The following DENND4C variants were observed in gnomAD, a reference collection of about 807,000 sequenced individuals.
DENND4C encodes DENN domain-containing protein 4C.
In DENND4C, 108 loss-of-function variants were observed where a neutral mutation model predicts 203.0. The ratio of observed to expected loss-of-function variants is 0.53; its 90% CI spans 0.46 to 0.62. DENND4C has a LOEUF of 0.62. Ranked by LOEUF, DENND4C falls within the 20% of genes least tolerant of loss-of-function variation. The pLI is 0.00. For missense variants in DENND4C, 2,481 were observed against 2,301.2 expected (o/e 1.08, Z -1.60); for synonymous variants, 871 against 792.4 (o/e 1.10, Z -1.67).
intron 13 of DENND4C, 78 bp from the exon 14 acceptor site, chr9:19,325,861 A>C (rs1483182376): frequency 5.5e-5 from 78 of 1,429,516 alleles, no homozygotes; most frequent in South Asian, 1.1e-4. Flanking sequence ...TTTTTTTCTA[A>C]ATCAGAATGT....
chr9:19,352,377 A>T, intron 25 of DENND4C, 113 bp from the exon 26 acceptor site: 1 of 1,164,048 alleles, frequency 8.6e-7, no homozygotes, highest in Non-Finnish European at 1.2e-6. Context: ...AACTGTTATT[A>T]ATAATTCCAA....
At chr9:19,234,493 A>T (rs1319226226) in intron 1 of DENND4C, among the ~76,000 whole-genome samples, 1 of 146,526 alleles carries the variant, frequency 6.8e-6, no homozygotes, top group Non-Finnish European at 1.5e-5. Flanking sequence ...GCCTCCCAAA[A>T]TGCTGGGATT....
Position 19,316,335 on chromosome 9 carries a change from G to C in DENND4C, c.1488-82G>C, listed in dbSNP as rs1036391955. The C allele has an allele frequency of 3.7e-6, 4 of 1,075,586 alleles. No individual in the cohort carries two copies. In the African/African-American group the frequency reaches 6.5e-5, roughly 17 times the overall value. 66.6% of individuals were successfully genotyped at this position (1,075,586 alleles called of 1,614,324 possible). On this transcript the variant is annotated intron_variant, in intron 10 of 32. Transcript: ENST00000434457. ...GTAAAAACATCTTTTCCATTTTCTT[G>C]TTTTAGGTTGATGCAAGAATTTTGT...
At chr9:19,312,561 A>T (rs1840955329) in intron 10 of DENND4C, among the ~76,000 whole-genome samples, 2 of 152,214 alleles carry the variant, frequency 1.3e-5, no homozygotes, top group Admixed American at 1.3e-4. Context: ...GTGATTATGT[A>T]TTATGGGGGT....
At chr9:19,363,873 G>T (rs1827044530) in intron 30 of DENND4C, among the ~76,000 whole-genome samples, 1 of 152,042 alleles carries the variant, frequency 6.6e-6, no homozygotes, top group Non-Finnish European at 1.5e-5. Context: ...AATTAGCCAG[G>T]CTTGGTGATG....
chr9:19,237,815 AC>A (rs1392688769), intron 1 of DENND4C, among the ~76,000 whole-genome samples: 4 of 152,124 alleles, frequency 2.6e-5, no homozygotes, highest in African/African-American at 9.7e-5. Context: ...AATTTTATAT[AC>A]CCCCACACTA....
chr9:19,288,749 C>A, intron 4 of DENND4C, 84 bp downstream of exon 4: 1 of 647,430 alleles, frequency 1.5e-6, no homozygotes, highest in Non-Finnish European at 2.2e-6. Context: ...AAGTATGCTC[C>A]CTTACATAGT....
At chr9:19,313,993 A>T (rs1202748205) in intron 10 of DENND4C, among the ~76,000 whole-genome samples, 1 of 152,168 alleles carries the variant, frequency 6.6e-6, no homozygotes, top group Non-Finnish European at 1.5e-5. Flanking sequence ...GAGGCAGGAA[A>T]ATCGCTTGAA....
intron 9 of DENND4C, 118 bp downstream of exon 9, chr9:19,300,449 T>G: frequency 2.9e-6 from 3 of 1,034,942 alleles, no homozygotes; most frequent in Non-Finnish European, 1.3e-6. Context: ...AAAGGAACTT[T>G]GAAAAATTTC....
chr9:19,235,059 G>C (rs1362976616), intron 1 of DENND4C, among the ~76,000 whole-genome samples: 1 of 151,504 alleles, frequency 6.6e-6, no homozygotes, highest in African/African-American at 2.4e-5. Flanking sequence ...CGGCCTCCCA[G>C]ATGAAGCAAT....
chr9:19,353,021 A>G (rs897557609), intron 26 of DENND4C, among the ~76,000 whole-genome samples: 1 of 152,094 alleles, frequency 6.6e-6, no homozygotes, highest in Non-Finnish European at 1.5e-5. Flanking sequence ...CTGTGGTAGC[A>G]GTTACTAGGA....
At position 19,342,765 on chromosome 9, in the gene DENND4C, G is replaced by C. The variant is rs1263368105; in HGVS notation, c.3137G>C (p.Arg1046Thr). The change falls in exon 22 of 33, where the codon AGG (arginine) becomes ACG (threonine). Residue 1046 changes from arginine to threonine, a missense_variant. Physicochemically the swap from Arg to Thr is moderately conservative, Grantham distance 71. Around this residue, in one of 3 missense-constraint regions of DENND4C, gnomAD observed 2,289 missense variants for 2,113.3 expected, o/e 1.08. Coordinates refer to ENST00000434457, the MANE Select transcript of DENND4C (RefSeq NM_001330640.2). ...TCTGGTATATTTGATGTCAACAGCAGGAAAAGTAGCACTGGTGAGTCTTTA... is the reference window on the plus strand; with the variant it reads ...TCTGGTATATTTGATGTCAACAGCACGAAAAGTAGCACTGGTGAGTCTTTA... ...VPSGIFDVNS[R>T]KSSTGSISNV... 4 of 1,603,476 alleles carry C rather than the reference G, an allele frequency of 2.5e-6. No homozygotes were observed. Among genetic ancestry groups the C allele is most frequent in the Admixed American group, 3.4e-5 (2 of 58,246 alleles).
chr9:19,327,546 T>G (rs1314656023), intron 15 of DENND4C, among the ~76,000 whole-genome samples: 4 of 152,030 alleles, frequency 2.6e-5, no homozygotes, highest in African/African-American at 9.7e-5. Context: ...AATATTTAAT[T>G]GGAGAAATAT....
rs1837433816 is a variant in DENND4C, at chr9:19,296,255, A to C, written c.1040+9A>C. 1.9e-6 allele frequency: 3 copies of C among 1,544,250 alleles called. 1 individual carries two copies. In the East Asian group the frequency reaches 6.8e-5, roughly 35 times the overall value. ...CCTCTTCCCATTGAAAAGTATGTATAATGATTAGAAAGATGGCTGGTGGAA... is the reference window on the plus strand; with the variant it reads ...CCTCTTCCCATTGAAAAGTATGTATCATGATTAGAAAGATGGCTGGTGGAA... On this transcript the variant is annotated intron_variant, in intron 6 of 32. Coordinates refer to ENST00000434457, the MANE Select transcript of DENND4C (RefSeq NM_001330640.2).
At chr9:19,258,690 C>G (rs191504780) in intron 1 of DENND4C, among the ~76,000 whole-genome samples, 298 of 150,856 alleles carry the variant, frequency 2.0e-3, no homozygotes, top group African/African-American at 6.8e-3. Context: ...GATTCTTGCT[C>G]TGTTTCCAGG....
intron 12 of DENND4C, among the ~76,000 whole-genome samples, chr9:19,322,660 C>T (rs1422516552): frequency 1.4e-5 from 2 of 146,788 alleles, no homozygotes; most frequent in African/African-American, 2.5e-5. Flanking sequence ...GGCATGAACC[C>T]GGGAGGCAGA....
chr9:19,370,002 T>C lies in DENND4C; in HGVS notation c.5675+15T>C, dbSNP rs1376583940. ...AAAAGACAAAGGTAATAATCCAGTA[T>C]TTTTTGCTTGCCACCACTCAGTCAT... On this transcript the variant is annotated intron_variant, in intron 31 of 32. Transcript: ENST00000434457. 1 of 1,611,296 alleles carries C rather than the reference T, an allele frequency of 6.2e-7. No individual in the cohort carries two copies. The highest frequency in any genetic ancestry group is 8.5e-7 in the Non-Finnish European group (1 of 1,178,974).
chr9:19,294,096 T>C (rs564519013), intron 5 of DENND4C, among the ~76,000 whole-genome samples: 1 of 152,290 alleles, frequency 6.6e-6, no homozygotes, highest in African/African-American at 2.4e-5. Context: ...TAGTGAGTAG[T>C]CATTTTGAAA....
chr9:19,246,927 G>C (rs1332971153), intron 1 of DENND4C, among the ~76,000 whole-genome samples: 1 of 152,098 alleles, frequency 6.6e-6, no homozygotes. Flanking sequence ...AAATTTGTCA[G>C]AAAGAATTGC....
Sources: gnomAD v4.1 joint callset for allele counts (sites outside exome capture counted in the v4.1 genomes callset) on GRCh38, gnomAD v4.1.1 for gene constraint, gnomAD v4.1.1 regional missense constraint, MANE v1.5 for transcripts, NCBI Gene and HGNC (gene_info 2026-07-23, HGNC 2026-07-21) for gene names.